Variants in ZNF776 observed in about 807,000 individuals in gnomAD.
The protein encoded by ZNF776 is zinc finger protein 776.
A neutral mutation model predicts 7.0 loss-of-function variants in ZNF776; 4 were observed. The ratio of observed to expected loss-of-function variants is 0.57; its 90% CI spans 0.28 to 1.31. ZNF776 has a LOEUF of 1.31. Among genes scored for constraint, ZNF776 ranks in the 50% most tolerant of loss-of-function variants. The pLI is 0.10. For missense variants in ZNF776, 555 were observed against 625.9 expected (o/e 0.89, Z 1.21); for synonymous variants, 212 against 213.7 (o/e 0.99, Z 0.07).
Position 57,754,153 on chromosome 19 carries a change from T to C in ZNF776, c.1023T>C (p.Val341=). The change falls in exon 3 of 3, where the codon GTT becomes GTC. Residue 341 remains valine (V), a synonymous_variant. Coordinates refer to ENST00000317178, the MANE Select transcript of ZNF776 (RefSeq NM_173632.4). ...HKRSLVHHQR[V]HTGERPYQCG... ...GCAGCCTTGTTCACCACCAGCGAGT[T>C]CACACTGGAGAAAGACCTTATCAGT... is the stretch of plus-strand genomic sequence containing the variant. 6.2e-7 allele frequency: 1 copy of C among 1,614,152 alleles called. No individual in the cohort carries two copies. Among genetic ancestry groups the C allele is most frequent in the Non-Finnish European group, 8.5e-7 (1 of 1,179,982 alleles).
intron 1 of ZNF776, 101 bp downstream of exon 1, chr19:57,747,192 C>G (rs1986461279): frequency 2.2e-6 from 3 of 1,341,876 alleles, no homozygotes; most frequent in Non-Finnish European, 3.0e-6. Flanking sequence ...ACCCTGAACC[C>G]GGCGTCGGGA....
At chr19:57,748,964 A>C (rs1422751304) in intron 1 of ZNF776, among the ~76,000 whole-genome samples, 1 of 147,950 alleles carries the variant, frequency 6.8e-6, no homozygotes, top group African/African-American at 2.5e-5. Context: ...TAAAAACAGG[A>C]CTTTTTTTTT....
rs551078088 is a variant in ZNF776, at chr19:57,755,869, G to C, written c.*1182G>C. On this transcript the variant is annotated 3_prime_UTR_variant, in exon 3 of 3. Coordinates refer to ENST00000317178, the MANE Select transcript of ZNF776 (RefSeq NM_173632.4). ...AGTTCAAGTTGTCTCCCATTCAGCAGTGGTATTTTTGAGTAGCCTCTGCAC... is the reference window on the plus strand; with the variant it reads ...AGTTCAAGTTGTCTCCCATTCAGCACTGGTATTTTTGAGTAGCCTCTGCAC... The C allele has an allele frequency of 1.6e-4, 24 of 152,356 alleles. No homozygotes were observed. The highest frequency in any genetic ancestry group is 4.8e-4 in the African/African-American group (20 of 41,570). 9.4% of individuals were successfully genotyped at this position (152,356 alleles called of 1,614,324 possible).
rs768398214 is a variant in ZNF776, at chr19:57,754,360, G to C, written c.1230G>C (p.Arg410Ser). The C allele has an allele frequency of 1.9e-6, 3 of 1,613,248 alleles. No individual in the cohort carries two copies. The East Asian group carries it at 6.7e-5, about 36-fold the overall frequency. The change falls in exon 3 of 3, where the codon AGG becomes AGC. Residue 410 changes from arginine (R) to serine (S), a missense_variant. Arg to Ser is a moderately radical substitution (Grantham distance 110). Coordinates refer to ENST00000317178, the MANE Select transcript of ZNF776 (RefSeq NM_173632.4). ...GACCCTATGAGTGTAAAGAATGTAGGAAATCATTTAGGTACAAGTCACACC... is the reference window on the plus strand; with the variant it reads ...GACCCTATGAGTGTAAAGAATGTAGCAAATCATTTAGGTACAAGTCACACC... ...GERPYECKEC[R>S]KSFRYKSHLT...
Position 57,754,491 on chromosome 19 carries a change from ACT to A in ZNF776, c.1364_1365del (p.Ser455TrpfsTer6), listed in dbSNP as rs1275426679. The A allele has an allele frequency of 6.2e-7, 1 of 1,614,188 alleles. No homozygotes were observed. Among genetic ancestry groups the A allele is most frequent in the African/African-American group, 1.3e-5 (1 of 75,062 alleles). ...AGTCTCATTCAACATCAGCAGATCC[ACT>A]CTGGAGAAAGGCCACATGAGTGTGG... On this transcript the variant is annotated frameshift_variant, in exon 3 of 3. Coordinates refer to ENST00000317178, the MANE Select transcript of ZNF776 (RefSeq NM_173632.4). LOFTEE classifies it low-confidence loss of function (END_TRUNC).
chr19:57,750,954 G>C, intron 2 of ZNF776, 43 bp downstream of exon 2: 3 of 1,560,864 alleles, frequency 1.9e-6, no homozygotes, highest in East Asian at 2.3e-5. Context: ...GCTATTGTCT[G>C]TCTGTCCCCA....
rs567449783 is a variant in ZNF776, at chr19:57,757,960, A to G, written c.*3273A>G. ...TAGATGTTCTTCTTTTTTCTTTATT[A>G]TTATTTTTATTTCACATAGCAGGGA... On this transcript the variant is annotated 3_prime_UTR_variant, in exon 3 of 3. Coordinates refer to ENST00000317178, the MANE Select transcript of ZNF776 (RefSeq NM_173632.4). The G allele has an allele frequency of 6.6e-6, 1 of 151,936 alleles. No individual in the cohort carries two copies. Among genetic ancestry groups the G allele is most frequent in the East Asian group, 1.9e-4 (1 of 5,182 alleles). 9.4% of individuals were successfully genotyped at this position (151,936 alleles called of 1,614,324 possible).
chr19:57,754,912 C>A lies in ZNF776; in HGVS notation c.*225C>A. ...CTCACCAAATACCAGAAGGGTCACA[C>A]TGGAGAAAGACCCTATAGTTATGGG... is the stretch of plus-strand genomic sequence containing the variant. On this transcript the variant is annotated 3_prime_UTR_variant, in exon 3 of 3. Coordinates refer to ENST00000317178, the MANE Select transcript of ZNF776 (RefSeq NM_173632.4). The A allele has an allele frequency of 1.8e-6, 1 of 568,244 alleles. No individual in the cohort carries two copies. The highest frequency in any genetic ancestry group is 3.1e-6 in the Non-Finnish European group (1 of 321,108). The allele number at this position is 568,244 out of a possible 1,614,324, so 35.2% of individuals were successfully genotyped here.
intron 2 of ZNF776, among the ~76,000 whole-genome samples, chr19:57,752,166 G>A (rs9748989): frequency 0.035 from 5,330 of 152,038 alleles, 304 homozygotes; most frequent in African/African-American, 0.12. Flanking sequence ...CACCGTGCCC[G>A]GCCTCATTTG....
chr19:57,749,089 C>G (rs964229319), intron 1 of ZNF776: 2 of 152,224 alleles, frequency 1.3e-5, no homozygotes, highest in African/African-American at 4.8e-5. Flanking sequence ...CTGCCTCAGC[C>G]TCCCGGTAGC....
At chr19:57,750,680 T>C (rs759921813) in intron 1 of ZNF776, 105 bp from the exon 2 acceptor site, 56 of 1,427,516 alleles carry the variant, frequency 3.9e-5, no homozygotes, top group Non-Finnish European at 4.2e-5. Context: ...CCAGTGGGCC[T>C]AGTTTCTCCT....
rs200432824 is a variant in ZNF776, at chr19:57,753,751, T to C, written c.621T>C (p.His207=). The C allele has an allele frequency of 2.5e-6, 4 of 1,614,226 alleles. No homozygotes were observed. The highest frequency in any genetic ancestry group is 3.3e-4 in the Middle Eastern group (2 of 6,062). Residue 207 remains histidine (H), a synonymous_variant, in exon 3 of 3, where the codon CAT becomes CAC. Transcript: ENST00000317178. Reference sequence around the variant, plus strand: ...TACCCCTTCAGGGTGGAAAAACTCATTACATCTGTGGAGAGTCCACAATAC... The same window carrying C: ...TACCCCTTCAGGGTGGAAAAACTCACTACATCTGTGGAGAGTCCACAATAC... The part of the protein sequence containing the change: ...HGIPLQGGKT[H]YICGESTIPF...
intron 1 of ZNF776, among the ~76,000 whole-genome samples, chr19:57,748,419 A>G (rs1986502030): frequency 4.6e-5 from 7 of 152,214 alleles, no homozygotes; most frequent in Admixed American, 3.9e-4. Flanking sequence ...TCAGAGACGA[A>G]TAAGTGTAGG....
rs755911939 is a variant in ZNF776 at position 57,753,713 on chromosome 19, A to G, written c.583A>G (p.Thr195Ala). The change falls in exon 3 of 3, where the codon ACT becomes GCT. Residue 195 changes from threonine (T) to alanine (A), a missense_variant. Physicochemically the swap from Thr to Ala is moderately conservative, Grantham distance 58. Transcript: ENST00000317178. Reference sequence around the variant, plus strand: ...CACTTCAGGGAAGTCAAACTTTGAAACTAAGCATGGGATACCCCTTCAGGG... The same window carrying G: ...CACTTCAGGGAAGTCAAACTTTGAAGCTAAGCATGGGATACCCCTTCAGGG... The part of the protein sequence containing the change: ...IHTSGKSNFE[T>A]KHGIPLQGGK... 2 of 1,614,224 alleles carry G rather than the reference A, an allele frequency of 1.2e-6. No homozygotes were observed. Among genetic ancestry groups the G allele is most frequent in the East Asian group, 2.2e-5 (1 of 44,886 alleles).
At chr19:57,751,565 T>A (rs1568475567) in intron 2 of ZNF776, among the ~76,000 whole-genome samples, 2 of 152,068 alleles carry the variant, frequency 1.3e-5, no homozygotes, top group African/African-American at 4.8e-5. Context: ...GAGGTCTGGC[T>A]GTATTGCCCA....
chr19:57,752,401 CTCTTAT>C (rs1187829569), intron 2 of ZNF776, among the ~76,000 whole-genome samples: 1 of 152,156 alleles, frequency 6.6e-6, no homozygotes, highest in Non-Finnish European at 1.5e-5. Context: ...TCTTGTCTTT[CTCTTAT>C]TCTTTATGTC....
At position 57,754,815 on chromosome 19, in the gene ZNF776, T is replaced by C. The variant is rs1986729435; in HGVS notation, c.*128T>C. On this transcript the variant is annotated 3_prime_UTR_variant, in exon 3 of 3. Transcript: ENST00000317178. ...CCAAAAGGTTGGCCTCATTCAACAATAGCAAGATCACACTGGGGAAAGGCT... is the reference window on the plus strand; with the variant it reads ...CCAAAAGGTTGGCCTCATTCAACAACAGCAAGATCACACTGGGGAAAGGCT... 1 of 898,636 alleles carries C rather than the reference T, an allele frequency of 1.1e-6. No homozygotes were observed. Among genetic ancestry groups the C allele is most frequent in the South Asian group, 1.7e-5 (1 of 58,350 alleles). 55.7% of individuals were successfully genotyped at this position (898,636 alleles called of 1,614,324 possible). A position where few individuals can be genotyped will look rare whatever the true frequency, so the allele number is the denominator to read the frequency against.
chr19:57,750,119 G>A (rs1986555907), intron 1 of ZNF776, among the ~76,000 whole-genome samples: 1 of 151,980 alleles, frequency 6.6e-6, no homozygotes, highest in African/African-American at 2.4e-5. Flanking sequence ...TGTCTGTGCA[G>A]TCTAAAGAAT....
In ZNF776 at chr19:57,753,704, A is replaced by G. The variant is rs193921007; in HGVS notation, c.574A>G (p.Asn192Asp). 9 of 1,614,242 alleles carry G rather than the reference A, an allele frequency of 5.6e-6. No individual in the cohort carries two copies. Among genetic ancestry groups the G allele is most frequent in the African/African-American group, 2.7e-5 (2 of 75,066 alleles). The change falls in exon 3 of 3, where the codon AAC becomes GAC. Residue 192 changes from asparagine to aspartate, a missense_variant. Transcript: ENST00000317178. ...QEDIHTSGKS[N>D]FETKHGIPLQ... is the part of the protein sequence containing the mutation. ...GGACATTCACACTTCAGGGAAGTCA[A>G]ACTTTGAAACTAAGCATGGGATACC...
Sources: allele counts gnomAD v4.1 joint callset (sites outside exome capture counted in the v4.1 genomes callset), GRCh38; gene constraint gnomAD v4.1.1; transcripts MANE v1.5; gene names NCBI Gene and HGNC (gene_info 2026-07-23, HGNC 2026-07-21).